The following MAGEA11 variants were observed in gnomAD, a reference collection of about 807,000 sequenced individuals.
The protein encoded by MAGEA11 is melanoma-associated antigen 11.
In MAGEA11, 1 loss-of-function variant was observed where a neutral mutation model predicts 8.4. That is an observed-to-expected ratio of 0.12 (90% CI 0.04 to 0.57). MAGEA11 has a LOEUF of 0.57. Ranked by LOEUF, MAGEA11 falls within the 20% of genes least tolerant of loss-of-function variation. The pLI is 0.91. For synonymous variants in MAGEA11, 127 were observed against 119.3 expected (o/e 1.06, Z -0.42); for missense variants, 209 against 317.3 (o/e 0.66, Z 2.59).
At chrX:149,706,078 G>C (rs1188563615) in intron 1 of MAGEA11, among the ~76,000 whole-genome samples, 1 of 111,984 alleles carries the variant, frequency 8.9e-6, no homozygotes, top group East Asian at 2.8e-4. Flanking sequence ...CTCACCTCCA[G>C]TCCCATTTTA....
intron 1 of MAGEA11, among the ~76,000 whole-genome samples, chrX:149,706,954 G>C (rs1182237126): frequency 1.8e-5 from 2 of 112,917 alleles, no homozygotes; most frequent in Admixed American, 9.3e-5. Flanking sequence ...ACAAGAGAGA[G>C]TGTTCAGATA....
chrX:149,709,271 C>A (rs782752106), upstream of MAGEA11, among the ~76,000 whole-genome samples: 5 of 102,999 alleles, frequency 4.9e-5, no homozygotes, highest in Admixed American at 3.3e-4. Context: ...GGCGACTGAG[C>A]GAGACTCTGT....
chrX:149,688,726 A>G (rs782093293), upstream of MAGEA11: 1 of 246,502 alleles, frequency 4.1e-6, no homozygotes, highest in Non-Finnish European at 7.6e-6. Context: ...ACATACATAT[A>G]CATATACAAT....
At chrX:149,701,777 C>T (rs2090354829) in intron 1 of MAGEA11, among the ~76,000 whole-genome samples, 2 of 111,264 alleles carry the variant, frequency 1.8e-5, no homozygotes, top group Admixed American at 1.9e-4. Context: ...TTTCAGCCTT[C>T]TACATATGGC....
At chrX:149,710,670 G>A (rs367825541), upstream of MAGEA11, among the ~76,000 whole-genome samples, 3 of 106,906 alleles carry the variant, frequency 2.8e-5, no homozygotes, top group Non-Finnish European at 5.8e-5. Context: ...TTTTGAGATG[G>A]GGTCTTGTTA....
At chrX:149,702,169 T>C (rs1050261028) in intron 1 of MAGEA11, among the ~76,000 whole-genome samples, 1 of 112,005 alleles carries the variant, frequency 8.9e-6, no homozygotes, top group Admixed American at 9.5e-5. Flanking sequence ...TGCTGTGTTC[T>C]ATAATTGGGG....
chrX:149,714,337 G>A, intron 2 of MAGEA11, 144 bp from the exon 3 acceptor site: 1 of 908,107 alleles, frequency 1.1e-6, no homozygotes, highest in East Asian at 3.4e-5. Context: ...ACAGGCCCTG[G>A]CAGAAGTAAA....
upstream of MAGEA11, chrX:149,711,835 A>G (rs1239062546): frequency 1.3e-6 from 1 of 741,741 alleles, no homozygotes; most frequent in Non-Finnish European, 1.6e-6. Flanking sequence ...CAGGCTCTGC[A>G]AGGAATCAAG....
chrX:149,714,596 A>G lies in MAGEA11; in HGVS notation c.192+20A>G, dbSNP rs1260965821. 8.3e-7 allele frequency: 1 copy of G among 1,204,843 alleles called. No homozygotes were observed. Among genetic ancestry groups the G allele is most frequent in the Non-Finnish European group, 1.1e-6 (1 of 891,921 alleles). ...GTCCAGGTGAGAAACCTGAGGGAGG[A>G]TTGAGGGTTCCTCCTGGCCAGAACA... On this transcript the variant is annotated intron_variant, in intron 3 of 4. Coordinates refer to ENST00000355220, the MANE Select transcript of MAGEA11 (RefSeq NM_005366.5).
At chrX:149,710,627 TTTTTTCTTTTTC>T (rs1233563151), upstream of MAGEA11, among the ~76,000 whole-genome samples, 3 of 110,735 alleles carry the variant, frequency 2.7e-5, no homozygotes, top group African/African-American at 6.6e-5. Context: ...TTTTCATTTC[TTTTTTCTTTTTC>T]TTTTTCTTTC....
At position 149,705,386 on chromosome X, in the gene MAGEA11, G is replaced by C. The variant is rs150665939; in HGVS notation, c.10-9095G>C. ...TGCCCTGCACAAGCTCTCTTTGCCT[G>C]CCGTCATCCACGTAAGATGTGACTT... On this transcript the variant is annotated intron_variant, in intron 1 of 3. Transcript: ENST00000333104. Among the ~76,000 whole-genome samples, 214 of 112,060 alleles carry C rather than the reference G, an allele frequency of 1.9e-3. 4 individuals are homozygous for C. In the East Asian group the frequency reaches 0.052, roughly 27 times the overall value.
rs1462195250 is a variant in MAGEA11, at chrX:149,695,434, T to A, written c.9+6450T>A. ...AAAAAAAAAACAAAAAACCTTTTTG[T>A]GCTCTAAAAGGCACCTCTAGACAGA... On this transcript the variant is annotated intron_variant, in intron 1 of 3. Coordinates refer to the MAGEA11 transcript ENST00000333104. 4.5e-5 allele frequency among the ~76,000 whole-genome samples: 5 copies of A among 111,419 alleles called. No individual in the cohort carries two copies. The East Asian group carries it at 1.1e-3, about 25-fold the overall frequency.
intron 3 of MAGEA11, 63 bp from the exon 4 acceptor site, chrX:149,715,541 C>G (rs941462906): frequency 1.2e-6 from 1 of 850,184 alleles, no homozygotes; most frequent in African/African-American, 2.0e-5. Context: ...CTACCTCAGT[C>G]CTGGAGCCTC....
At chrX:149,688,906 A>G in exon 1 of MAGEA11, 2 of 984,022 alleles carry the variant, frequency 2.0e-6, no homozygotes, top group Non-Finnish European at 2.7e-6. Context: ...GACCCCTTTC[A>G]TAGAGGTGGG....
At chrX:149,708,079 T>A (rs1557361622), upstream of MAGEA11, among the ~76,000 whole-genome samples, 2 of 112,780 alleles carry the variant, frequency 1.8e-5, no homozygotes. Flanking sequence ...GTCTGCTTAC[T>A]CTGTGGATAG....
chrX:149,689,584 C>G (rs993548468), intron 1 of MAGEA11, among the ~76,000 whole-genome samples: 1 of 112,443 alleles, frequency 8.9e-6, no homozygotes, highest in Non-Finnish European at 1.9e-5. Context: ...GGCAGTGGGC[C>G]CTGATGCCTT....
At chrX:149,690,005 T>G (rs142152961) in intron 1 of MAGEA11, among the ~76,000 whole-genome samples, 87 of 112,412 alleles carry the variant, frequency 7.7e-4, no homozygotes, top group African/African-American at 2.6e-3. Context: ...AATCTCTGTC[T>G]CTAACCTCAT....
At chrX:149,706,109 C>G (rs2090376124) in intron 1 of MAGEA11, among the ~76,000 whole-genome samples, 1 of 111,933 alleles carries the variant, frequency 8.9e-6, no homozygotes, top group Non-Finnish European at 1.9e-5. Context: ...CCTCCCGTGG[C>G]CAGCCTAAGG....
upstream of MAGEA11, chrX:149,688,800 C>T: frequency 9.5e-6 from 3 of 314,287 alleles, no homozygotes; most frequent in South Asian, 1.0e-4. Context: ...CTGAGTCATT[C>T]TCTTGATCAC....
Sources: allele counts gnomAD v4.1 joint callset (sites outside exome capture counted in the v4.1 genomes callset), GRCh38; gene constraint gnomAD v4.1.1; transcripts MANE v1.5; gene names NCBI Gene and HGNC (gene_info 2026-07-23, HGNC 2026-07-21).